Variants in KCNK13 observed in about 807,000 individuals in gnomAD.
KCNK13 encodes the protein potassium channel subfamily K member 13.
A neutral mutation model predicts 23.4 loss-of-function variants in KCNK13; 12 were observed. The ratio of observed to expected loss-of-function variants is 0.51; its 90% confidence interval spans 0.33 to 0.83. The LOEUF (loss-of-function observed/expected upper bound fraction) is 0.83, where lower values mean the gene tolerates loss of function less well. Among genes scored for constraint, KCNK13 ranks in the 40% least tolerant of loss-of-function variants. The pLI, the probability that KCNK13 is intolerant of heterozygous loss-of-function variation, is 0.02. For missense variants in KCNK13, 463 were observed against 556.3 expected, an observed-to-expected ratio of 0.83 and a Z score of 1.69; for synonymous variants, 231 against 229.5, an observed-to-expected ratio of 1.01 and a Z score of -0.06.
At chr14:90,178,393 G>C (rs995066057) in intron 1 of KCNK13, among the ~76,000 whole-genome samples, 8 of 152,090 alleles carry the variant, frequency 5.3e-5, no homozygotes, top group Non-Finnish European at 1.0e-4. Context: ...CCGGGTTCAA[G>C]TGATTCTCCT....
chr14:90,076,415 CA>C (rs1159134141), intron 1 of KCNK13, among the ~76,000 whole-genome samples: 4 of 152,140 alleles, frequency 2.6e-5, no homozygotes, highest in Admixed American at 2.6e-4. Context: ...ACTATCAAGA[CA>C]GGAAGAGGGA....
chr14:90,148,071 G>A (rs1890094302), intron 1 of KCNK13, among the ~76,000 whole-genome samples: 1 of 152,178 alleles, frequency 6.6e-6, no homozygotes, highest in African/African-American at 2.4e-5. Flanking sequence ...GCTGAGGCAT[G>A]AGGATGGCTT....
rs888123272 is a variant in KCNK13 at position 90,062,408 on chromosome 14, G to A, written c.203G>A (p.Arg68His). 3 of 1,545,880 alleles carry A rather than the reference G, an allele frequency of 1.9e-6. No individual in the cohort carries two copies. The highest frequency in any genetic ancestry group is 2.6e-6 in the Non-Finnish European group (3 of 1,145,184). The change falls in exon 1 of 2, where the codon CGC becomes CAC. Residue 68 changes from arginine (R) to histidine (H), a missense_variant. By Grantham distance (29) the Arg-to-His change is conservative. This residue lies in a region of KCNK13 where 153 missense variants were observed against 153.6 expected (regional missense o/e 1.00). Transcript: ENST00000282146. This position sits in a 1 kb window ranked among gnomAD's most constrained non-coding sequence, Gnocchi z 4.5. ...ANFSRGHNLS[R>H]DELRGFLRHY... is the part of the protein sequence containing the mutation. Reference sequence around the variant, plus strand: ...TTCAGCCGCGGCCACAACCTGAGCCGCGACGAGCTGCGCGGCTTCCTCCGC... The same window carrying A: ...TTCAGCCGCGGCCACAACCTGAGCCACGACGAGCTGCGCGGCTTCCTCCGC...
intron 1 of KCNK13, among the ~76,000 whole-genome samples, chr14:90,132,133 C>T (rs1041312637): frequency 2.0e-5 from 3 of 152,254 alleles, no homozygotes; most frequent in African/African-American, 7.2e-5. Flanking sequence ...ATGCCATCAA[C>T]ATTGAATGAA....
chr14:90,118,149 C>T (rs546518408), intron 1 of KCNK13, among the ~76,000 whole-genome samples: 34 of 152,184 alleles, frequency 2.2e-4, no homozygotes, highest in African/African-American at 7.7e-4. Flanking sequence ...AGTCATTGTA[C>T]GTAAAGGTAG....
At chr14:90,115,542 G>T (rs1386999330) in intron 1 of KCNK13, among the ~76,000 whole-genome samples, 2 of 152,142 alleles carry the variant, frequency 1.3e-5, no homozygotes, top group Non-Finnish European at 2.9e-5. Context: ...TCTGACCCAG[G>T]GGCCCTTTCT....
At chr14:90,086,688 A>C (rs2140398251) in intron 1 of KCNK13, among the ~76,000 whole-genome samples, 1 of 152,178 alleles carries the variant, frequency 6.6e-6, no homozygotes, top group Admixed American at 6.5e-5. Context: ...TTCCCTGCTT[A>C]TCTCCTTAGA....
At chr14:90,123,966 G>A (rs1306702982) in intron 1 of KCNK13, among the ~76,000 whole-genome samples, 1 of 152,122 alleles carries the variant, frequency 6.6e-6, no homozygotes, top group Admixed American at 6.6e-5. Context: ...TCTCTGAGGG[G>A]CCTTGGCATA....
chr14:90,066,278 A>G (rs1451879950), intron 1 of KCNK13, among the ~76,000 whole-genome samples: 1 of 143,838 alleles, frequency 7.0e-6, no homozygotes, highest in East Asian at 2.1e-4. Context: ...TTATTTTTTT[A>G]TTTTTTGAGG....
In KCNK13 at chr14:90,086,717, C is replaced by T. The variant is rs149178556; in HGVS notation, c.334+24178C>T. Among the ~76,000 whole-genome samples the T allele has an allele frequency of 2.0e-5, 3 of 152,224 alleles. No individual in the cohort carries two copies. The East Asian group carries it at 5.8e-4, about 29-fold the overall frequency. On this transcript the variant is annotated intron_variant, in intron 1 of 1. Transcript: ENST00000282146. ...CCTTAGAACCACACCCAGCACTCATCCCATATCAAATGTAAACCTCAGTTT... is the reference window on the plus strand; with the variant it reads ...CCTTAGAACCACACCCAGCACTCATTCCATATCAAATGTAAACCTCAGTTT...
intron 1 of KCNK13, among the ~76,000 whole-genome samples, chr14:90,090,468 C>T (rs1041295152): frequency 6.6e-6 from 1 of 152,226 alleles, no homozygotes; most frequent in African/African-American, 2.4e-5. Flanking sequence ...TTTGATTTTA[C>T]AGGCTTATAG....
chr14:90,108,027 C>T (rs985284561), intron 1 of KCNK13: 3 of 661,446 alleles, frequency 4.5e-6, no homozygotes, highest in South Asian at 3.0e-5. Context: ...GACTTTCCTC[C>T]TCAAGAGCTG....
At chr14:90,125,614 C>T (rs1473943894) in intron 1 of KCNK13, among the ~76,000 whole-genome samples, 2 of 63,552 alleles carry the variant, frequency 3.1e-5, no homozygotes, top group Non-Finnish European at 6.5e-5. Context: ...CACACACACA[C>T]ACACACACAC....
At chr14:90,148,397 TC>T (rs1453330387) in intron 1 of KCNK13, among the ~76,000 whole-genome samples, 3 of 152,242 alleles carry the variant, frequency 2.0e-5, no homozygotes, top group African/African-American at 7.2e-5. Flanking sequence ...TACTGGCCCA[TC>T]ATGGCCCAGA....
chr14:90,139,201 G>A (rs1023059105), intron 1 of KCNK13, among the ~76,000 whole-genome samples: 1 of 152,178 alleles, frequency 6.6e-6, no homozygotes, highest in African/African-American at 2.4e-5. Flanking sequence ...TGGGGCAAGT[G>A]ATGTTGAAAG....
At chr14:90,112,397 T>C (rs1235267843) in intron 1 of KCNK13, among the ~76,000 whole-genome samples, 1 of 152,238 alleles carries the variant, frequency 6.6e-6, no homozygotes, top group Non-Finnish European at 1.5e-5. Flanking sequence ...AGTTGATTCA[T>C]GCCGGCCAGT....
chr14:90,144,857 A>G (rs1457024455), intron 1 of KCNK13, among the ~76,000 whole-genome samples: 1 of 152,158 alleles, frequency 6.6e-6, no homozygotes, highest in East Asian at 1.9e-4. Flanking sequence ...GAGAGTGGAT[A>G]TCCTACACTT....
intron 1 of KCNK13, among the ~76,000 whole-genome samples, chr14:90,112,413 A>G (rs1327346031): frequency 6.6e-6 from 1 of 152,240 alleles, no homozygotes; most frequent in Non-Finnish European, 1.5e-5. Flanking sequence ...CCAGTAGAGC[A>G]TCTCTAGAGT....
chr14:90,067,723 T>TA lies in KCNK13; in HGVS notation c.334+5187dup, dbSNP rs1302633589. 2.6e-5 allele frequency among the ~76,000 whole-genome samples: 4 copies of TA among 152,210 alleles called. No homozygotes were observed. The East Asian group carries it at 7.7e-4, about 29-fold the overall frequency. The stretch of plus-strand genomic sequence containing the variant: ...ATCAGACGTGAAACAGGGATAAACT[T>TA]AAAGTACTCAGAAAAGTAGAATGAC... On this transcript the variant is annotated intron_variant, in intron 1 of 1. Transcript: ENST00000282146.
Sources: allele counts gnomAD v4.1 joint callset (sites outside exome capture counted in the v4.1 genomes callset), GRCh38; gene constraint gnomAD v4.1.1; regional missense constraint gnomAD v4.1.1; non-coding constraint Gnocchi (gnomAD v3.1); transcripts MANE v1.5; gene names NCBI Gene and HGNC (gene_info 2026-07-23, HGNC 2026-07-21).